SCRIB: variants seen among roughly 807,000 people sequenced by gnomAD.
The protein encoded by SCRIB is scribble planar cell polarity protein, also known as protein scribble homolog.
A neutral mutation model predicts 170.0 loss-of-function variants in SCRIB; 72 were observed. That is an observed-to-expected ratio of 0.42 (90% CI 0.35 to 0.52). The LOEUF is 0.52. Among genes scored for constraint, SCRIB ranks in the 20% least tolerant of loss-of-function variants. The probability of loss-of-function intolerance (pLI) is 0.02; values close to 1 mark genes in which losing one functional copy is unlikely to be tolerated. For synonymous variants in SCRIB, 1,298 were observed against 1,044.3 expected (o/e 1.24, Z -4.68); for missense variants, 2,475 against 2,338.5 (o/e 1.06, Z -1.20).
intron 24 of SCRIB, among the ~76,000 whole-genome samples, chr8:143,800,935 A>G (rs1815148659): frequency 6.7e-6 from 1 of 149,512 alleles, no homozygotes; most frequent in Non-Finnish European, 1.5e-5. Context: ...TCTGCACAGA[A>G]CTTGGCAGGT....
intron 24 of SCRIB, among the ~76,000 whole-genome samples, chr8:143,800,614 C>A (rs1554634827): frequency 6.6e-6 from 1 of 152,252 alleles, no homozygotes; most frequent in African/African-American, 2.4e-5. Context: ...AGGGCTCACG[C>A]CTGGAAGCCT....
chr8:143,792,358 C>A lies in SCRIB; in HGVS notation c.4376G>T (p.Arg1459Leu). The change falls in exon 32 of 37, where the codon CGG becomes CTG. Residue 1459 changes from arginine to leucine, a missense_variant. Coordinates refer to ENST00000356994, the MANE Select transcript of SCRIB (RefSeq NM_182706.5). ...PPPLGGGAPV[R>L]TAKAERRHQE... is the part of the protein sequence containing the mutation. The stretch of plus-strand genomic sequence containing the variant: ...GTGGCGCCGTTCAGCTTTGGCCGTC[C>A]GCACCGGGGCGCCACCTCCCAGGGG... The A allele has an allele frequency of 6.5e-7, 1 of 1,528,934 alleles. No homozygotes were observed. The highest frequency in any genetic ancestry group is 2.0e-5 in the Admixed American group (1 of 49,884). 94.7% of individuals were successfully genotyped at this position (1,528,934 alleles called of 1,614,324 possible).
Position 143,795,513 on chromosome 8 carries a change from A to C in SCRIB, c.3621T>G (p.Ile1207Met). 1 of 1,612,732 alleles carries C rather than the reference A, an allele frequency of 6.2e-7. No individual in the cohort carries two copies. Among genetic ancestry groups the C allele is most frequent in the South Asian group, 1.1e-5 (1 of 90,858 alleles). Reference sequence around the variant, plus strand: ...CGATGCCTGCCGCAAAGGGGTTGGCAATGACACCTGGGGACACCTGAGAAG... The same window carrying C: ...CGATGCCTGCCGCAAAGGGGTTGGCCATGACACCTGGGGACACCTGAGAAG... The part of the protein sequence containing the change: ...DAALEVSPGV[I>M]ANPFAAGIGH... The change falls in exon 25 of 37, where the codon ATT becomes ATG. Residue 1207 changes from isoleucine (I) to methionine (M), a missense_variant. Around this residue, in one of 3 missense-constraint regions of SCRIB, gnomAD observed 1,966 missense variants for 1,742.9 expected, o/e 1.13. Coordinates refer to ENST00000356994, the MANE Select transcript of SCRIB (RefSeq NM_182706.5).
intron 18 of SCRIB, among the ~76,000 whole-genome samples, chr8:143,805,809 C>A (rs1815399263): frequency 6.6e-6 from 1 of 152,214 alleles, no homozygotes; most frequent in African/African-American, 2.4e-5. Flanking sequence ...CACCCCAACA[C>A]CCAGGAGCAG....
chr8:143,808,480 C>T (rs371273277), intron 15 of SCRIB, 129 bp downstream of exon 15: 10 of 1,130,164 alleles, frequency 8.8e-6, no homozygotes, highest in South Asian at 2.0e-5. Context: ...GTGGAGCACA[C>T]GTGTCCACCA....
intron 9 of SCRIB, among the ~76,000 whole-genome samples, chr8:143,811,948 C>T (rs1815746744): frequency 6.6e-6 from 1 of 152,212 alleles, no homozygotes; most frequent in South Asian, 2.1e-4. Context: ...GCAGCCTGCT[C>T]TCCATCTGTC....
rs1418971456 is a variant in SCRIB at position 143,812,827 on chromosome 8, G to T, written c.777C>A (p.Pro259=). The T allele has an allele frequency of 2.5e-6, 4 of 1,599,994 alleles. No homozygotes were observed. In the East Asian group the frequency reaches 8.9e-5, roughly 36 times the overall value. The stretch of plus-strand genomic sequence containing the variant: ...CCCAGGCACACTAACCGATGCCGTC[G>T]GGCAGCCTCCGCAGCAGGTTCTGGG... ...LLSQNLLRRL[P]DGIGQLKQLS... is the part of the protein sequence containing the mutation. The change falls in exon 8 of 37, where the codon CCC becomes CCA. Residue 259 remains proline, a synonymous_variant. Transcript: ENST00000356994.
chr8:143,814,200 G>C, intron 1 of SCRIB, 82 bp from the exon 2 acceptor site: 1 of 1,179,780 alleles, frequency 8.5e-7, no homozygotes, highest in African/African-American at 1.5e-5. Flanking sequence ...AGTGTCACAA[G>C]TCAAGAGTCC....
rs2130010254 is a variant in SCRIB, at chr8:143,795,539, A to C, written c.3604-9T>G. ...ATGACACCTGGGGACACCTGAGAAG[A>C]GGGGTGTGGGCTAAGAAGGGGGGAC... On this transcript the variant is annotated splice_polypyrimidine_tract_variant and intron_variant, in intron 24 of 36. Coordinates refer to ENST00000356994, the MANE Select transcript of SCRIB (RefSeq NM_182706.5). 4 of 1,606,464 alleles carry C rather than the reference A, an allele frequency of 2.5e-6. No individual in the cohort carries two copies. Among genetic ancestry groups the C allele is most frequent in the Non-Finnish European group, 3.4e-6 (4 of 1,175,996 alleles).
rs1369306012 is a variant in SCRIB, at chr8:143,807,568, C to T, written c.2162G>A (p.Arg721His). 9 of 1,613,732 alleles carry T rather than the reference C, an allele frequency of 5.6e-6. No individual in the cohort carries two copies. Among genetic ancestry groups the T allele is most frequent in the African/African-American group, 1.3e-5 (1 of 74,888 alleles). ...QANNLLIEPA[R>H]IEEEELTLTI... Reference sequence around the variant, plus strand: ...AGTACAGACCTCTTCCTCCTCAATGCGAGCAGGCTCTATCAGCAGGTTATT... The same window carrying T: ...AGTACAGACCTCTTCCTCCTCAATGTGAGCAGGCTCTATCAGCAGGTTATT... Residue 721 changes from arginine to histidine, a missense_variant, in exon 16 of 37, where the codon CGC becomes CAC. This residue lies in a region of SCRIB where 1,966 missense variants were observed against 1,742.9 expected (regional missense o/e 1.13). Coordinates refer to ENST00000356994, the MANE Select transcript of SCRIB (RefSeq NM_182706.5).
chr8:143,808,503 G>A, intron 15 of SCRIB, 106 bp downstream of exon 15: 2 of 1,359,142 alleles, frequency 1.5e-6, no homozygotes, highest in Admixed American at 2.7e-5. Flanking sequence ...TTCTCCGGGT[G>A]GCCAGGGGCC....
intron 13 of SCRIB, among the ~76,000 whole-genome samples, chr8:143,810,104 G>A (rs749538385): frequency 6.6e-6 from 1 of 152,080 alleles, no homozygotes; most frequent in East Asian, 1.9e-4. Context: ...GCATGTCACA[G>A]CTCTGAGTGA....
chr8:143,806,669 C>G (rs1446872368), intron 17 of SCRIB, among the ~76,000 whole-genome samples, 185 bp from the exon 18 acceptor site: 1 of 152,226 alleles, frequency 6.6e-6, no homozygotes, highest in Non-Finnish European at 1.5e-5. Context: ...ACGTCAGCCC[C>G]GAGAAAGGGC....
intron 1 of SCRIB, 76 bp downstream of exon 1, chr8:143,815,138 C>G: frequency 7.1e-7 from 1 of 1,411,144 alleles, no homozygotes; most frequent in Non-Finnish European, 9.3e-7. Flanking sequence ...GGTGACTCGC[C>G]CGGGCAGATT....
Position 143,811,023 on chromosome 8 carries a change from A to G in SCRIB, c.1156T>C (p.Trp386Arg). Reference sequence around the variant, plus strand: ...GGCTGCGCCTGGTTCTCTGCCAGCCACAGGGCCTTGAGATTGAGGTGGGTG... The same window carrying G: ...GGCTGCGCCTGGTTCTCTGCCAGCCGCAGGGCCTTGAGATTGAGGTGGGTG... ...ALTHLNLKALWLAENQAQPML... is the reference protein window; with the variant it reads ...ALTHLNLKALRLAENQAQPML... Residue 386 changes from tryptophan (W) to arginine (R), a missense_variant, in exon 11 of 37, where the codon TGG (tryptophan) becomes CGG (arginine). Coordinates refer to ENST00000356994, the MANE Select transcript of SCRIB (RefSeq NM_182706.5). The G allele has an allele frequency of 6.2e-7, 1 of 1,612,416 alleles. No homozygotes were observed. Among genetic ancestry groups the G allele is most frequent in the Non-Finnish European group, 8.5e-7 (1 of 1,179,608 alleles).
intron 1 of SCRIB, 74 bp from the exon 2 acceptor site, chr8:143,814,192 T>C (rs1020653994): frequency 3.1e-6 from 4 of 1,289,192 alleles, no homozygotes; most frequent in East Asian, 2.5e-5. Context: ...GACACGTGAG[T>C]GTCACAAGTC....
In SCRIB at chr8:143,805,252, G is replaced by GC. The variant is rs1283961078; in HGVS notation, c.2529dup (p.Leu844AlafsTer9). On this transcript the variant is annotated frameshift_variant, in exon 19 of 37. Transcript: ENST00000356994. LOFTEE classifies it high-confidence loss of function. The stretch of plus-strand genomic sequence containing the variant: ...TCAGGCGGGAGCAGGGGCAGGCGCA[G>GC]CCCCCCTCCCCGCCGCTCTCGGGGG... The GC allele has an allele frequency of 1.3e-6, 2 of 1,531,452 alleles. No homozygotes were observed. Among genetic ancestry groups the GC allele is most frequent in the Non-Finnish European group, 8.7e-7 (1 of 1,144,394 alleles). 94.9% of individuals were successfully genotyped at this position (1,531,452 alleles called of 1,614,324 possible).
At chr8:143,798,585 G>A (rs1350004548) in intron 24 of SCRIB, among the ~76,000 whole-genome samples, 2 of 152,168 alleles carry the variant, frequency 1.3e-5, no homozygotes, top group African/African-American at 2.4e-5. Flanking sequence ...CAGGCCATGT[G>A]CCACCACACT....
At chr8:143,807,067 C>T (rs781977489) in intron 16 of SCRIB, 54 bp from the exon 17 acceptor site, 87 of 1,326,050 alleles carry the variant, frequency 6.6e-5, no homozygotes, top group Middle Eastern at 5.4e-4. Context: ...GCTGCCTGTG[C>T]TCTCTGCAGG....
Sources: allele counts gnomAD v4.1 joint callset (sites outside exome capture counted in the v4.1 genomes callset), GRCh38; gene constraint gnomAD v4.1.1; regional missense constraint gnomAD v4.1.1; transcripts MANE v1.5; gene names NCBI Gene and HGNC (gene_info 2026-07-23, HGNC 2026-07-21).